Variants in USP37 observed in about 807,000 individuals in gnomAD.
USP37 encodes ubiquitin carboxyl-terminal hydrolase 37.
In USP37, 27 loss-of-function variants were observed where a neutral mutation model predicts 124.0. The ratio of observed to expected loss-of-function variants is 0.22; its 90% CI spans 0.16 to 0.30. The LOEUF is 0.30. Among genes scored for constraint, USP37 ranks in the 10% least tolerant of loss-of-function variants. The probability of loss-of-function intolerance (pLI) is 1.00; values close to 1 mark genes in which losing one functional copy is unlikely to be tolerated. For synonymous variants in USP37, 365 were observed against 388.0 expected, an observed-to-expected ratio of 0.94 and a Z score of 0.70; for missense variants, 889 against 1,140.4, an observed-to-expected ratio of 0.78 and a Z score of 3.17.
rs1689465213 is a variant in USP37, at chr2:218,502,972, C to T, written c.1026-4815G>A. 3.3e-5 allele frequency among the ~76,000 whole-genome samples: 5 copies of T among 151,864 alleles called. No homozygotes were observed. The South Asian group carries it at 1.0e-3, about 31-fold the overall frequency. ...CGTAGGCTTCTAGTCAGAAATTATA[C>T]AAAAAAGAAGACAAAGAAAAGATAT... is the stretch of plus-strand genomic sequence containing the variant. On this transcript the variant is annotated intron_variant, in intron 11 of 25. Coordinates refer to ENST00000258399, the MANE Select transcript of USP37 (RefSeq NM_020935.3).
intron 10 of USP37, chr2:218,514,449 A>T (rs1327656329): frequency 6.6e-6 from 1 of 152,044 alleles, no homozygotes; most frequent in African/African-American, 2.4e-5. Flanking sequence ...GGTTTGTCTG[A>T]TGTTTTTTCA....
chr2:218,524,510 C>G (rs928467564), intron 10 of USP37, among the ~76,000 whole-genome samples: 1 of 152,166 alleles, frequency 6.6e-6, no homozygotes, highest in Non-Finnish European at 1.5e-5. Context: ...TTTCTTTTGT[C>G]CAATGTTTTA....
At chr2:218,511,541 C>T (rs1258549528) in intron 10 of USP37, among the ~76,000 whole-genome samples, 4 of 152,272 alleles carry the variant, frequency 2.6e-5, no homozygotes, top group African/African-American at 7.2e-5. Context: ...AACTCCTGAC[C>T]TCAGGTGACC....
chr2:218,552,980 A>G (rs1342975055), intron 5 of USP37, among the ~76,000 whole-genome samples: 1 of 152,220 alleles, frequency 6.6e-6, no homozygotes, highest in Non-Finnish European at 1.5e-5. Context: ...TCCTTTGTCT[A>G]ATCATATTGT....
intron 11 of USP37, among the ~76,000 whole-genome samples, chr2:218,508,199 A>G (rs1689780362): frequency 1.3e-5 from 2 of 151,510 alleles, no homozygotes; most frequent in South Asian, 4.2e-4. Flanking sequence ...TTTTTTTTGG[A>G]GGATTTGTGA....
At chr2:218,550,885 G>C (rs552738871) in intron 5 of USP37, among the ~76,000 whole-genome samples, 10 of 151,884 alleles carry the variant, frequency 6.6e-5, no homozygotes, top group Admixed American at 1.3e-4. Context: ...TGTCACTCTG[G>C]CTACTATTTT....
chr2:218,558,553 T>C lies in USP37; in HGVS notation c.101A>G (p.Asn34Ser), dbSNP rs1178731595. The C allele has an allele frequency of 1.2e-6, 2 of 1,613,562 alleles. No individual in the cohort carries two copies. The highest frequency in any genetic ancestry group is 1.7e-5 in the Admixed American group (1 of 59,990). The change falls in exon 4 of 26, where the codon AAT becomes AGT. Residue 34 changes from asparagine (N) to serine (S), a missense_variant. Asn to Ser is a conservative substitution (Grantham distance 46). Around this residue, in one of 3 missense-constraint regions of USP37, gnomAD observed 374 missense variants for 386.0 expected, o/e 0.97. Coordinates refer to ENST00000258399, the MANE Select transcript of USP37 (RefSeq NM_020935.3). ...GTAGTGAACTACTAGGCTGACTTTA[T>C]TCTCTTTTTCTACAATTTCAAAGGA... ...EGSFEIVEKENKVSLVVHYNT... is the reference protein window; with the variant it reads ...EGSFEIVEKESKVSLVVHYNT...
chr2:218,521,000 C>T (rs943005773), intron 10 of USP37, among the ~76,000 whole-genome samples: 18 of 152,100 alleles, frequency 1.2e-4, no homozygotes, highest in African/African-American at 4.3e-4. Context: ...AAACTTGGTG[C>T]TGTTCTCCTG....
rs1199208368 is a variant in USP37, at chr2:218,549,753, T to G, written c.429+56A>C. On this transcript the variant is annotated intron_variant, in intron 6 of 25. Coordinates refer to ENST00000258399, the MANE Select transcript of USP37 (RefSeq NM_020935.3). ...TGCTGGGATTACAGGCGTGAGCCAC[T>G]GTGCCTGGCCAACTATCATTTTTTT... The G allele has an allele frequency of 6.5e-6, 10 of 1,547,120 alleles. 1 individual carries two copies. The highest frequency in any genetic ancestry group is 6.2e-6 in the Non-Finnish European group (7 of 1,130,304).
At chr2:218,539,713 A>G (rs1691870096) in intron 8 of USP37, among the ~76,000 whole-genome samples, 1 of 151,812 alleles carries the variant, frequency 6.6e-6, no homozygotes. Flanking sequence ...AGATTGTCTC[A>G]AAAAAATAAA....
intron 10 of USP37, among the ~76,000 whole-genome samples, chr2:218,529,600 C>T (rs1691197975): frequency 6.6e-6 from 1 of 151,862 alleles, no homozygotes; most frequent in South Asian, 2.1e-4. Context: ...AATTTGAGAC[C>T]AGGCTGGGCA....
intron 16 of USP37, among the ~76,000 whole-genome samples, chr2:218,484,805 T>C (rs1691466765): frequency 6.6e-6 from 1 of 152,180 alleles, no homozygotes; most frequent in African/African-American, 2.4e-5. Context: ...GTAGGCAAAG[T>C]GCTACATAAA....
intron 20 of USP37, among the ~76,000 whole-genome samples, chr2:218,472,369 ACACT>A (rs1344702047): frequency 1.3e-5 from 2 of 152,048 alleles, no homozygotes; most frequent in Non-Finnish European, 2.9e-5. Context: ...GTATATACAC[ACACT>A]CACACTTTTC....
intron 10 of USP37, among the ~76,000 whole-genome samples, chr2:218,517,491 A>G (rs561990456): frequency 5.9e-5 from 9 of 152,306 alleles, no homozygotes; most frequent in Admixed American, 5.9e-4. Flanking sequence ...AAACTATAGG[A>G]TATTTTCACA....
At chr2:218,477,052 C>A in intron 18 of USP37, 71 bp from the exon 19 acceptor site, 2 of 1,388,638 alleles carry the variant, frequency 1.4e-6, no homozygotes, top group Non-Finnish European at 9.4e-7. Flanking sequence ...GTAAAAATAT[C>A]AAAACAAATT....
At chr2:218,562,210 T>G (rs1033928715) in intron 2 of USP37, among the ~76,000 whole-genome samples, 1 of 152,198 alleles carries the variant, frequency 6.6e-6, no homozygotes, top group Non-Finnish European at 1.5e-5. Context: ...AGTAAAAAAC[T>G]AAGTTTCTTT....
intron 6 of USP37, 22 bp from the exon 7 acceptor site, chr2:218,547,113 T>C (rs369035918): frequency 5.4e-5 from 85 of 1,572,032 alleles, no homozygotes; most frequent in Middle Eastern, 1.7e-4. Context: ...AAGTTTGAGA[T>C]AGTTAAATCT....
intron 5 of USP37, among the ~76,000 whole-genome samples, chr2:218,552,248 A>G (rs992203736): frequency 2.0e-5 from 3 of 152,226 alleles, no homozygotes; most frequent in African/African-American, 7.2e-5. Flanking sequence ...AATTAAAGGT[A>G]GTACTGCTAC....
At chr2:218,544,386 CAAAAA>C (rs1163366372) in intron 8 of USP37, among the ~76,000 whole-genome samples, 19 of 25,782 alleles carry the variant, frequency 7.4e-4, no homozygotes, top group African/African-American at 7.2e-3. Context: ...CTCCGTTTCA[CAAAAA>C]AAAAAAAAAA....
Sources: gnomAD v4.1 joint callset for allele counts (sites outside exome capture counted in the v4.1 genomes callset) on GRCh38, gnomAD v4.1.1 for gene constraint, gnomAD v4.1.1 regional missense constraint, MANE v1.5 for transcripts, NCBI Gene and HGNC (gene_info 2026-07-23, HGNC 2026-07-21) for gene names.